COL4A6: variants seen among roughly 807,000 people sequenced by gnomAD.
The protein encoded by COL4A6 is collagen type IV alpha 6 chain, also known as collagen alpha-6(IV) chain.
In COL4A6, 59 loss-of-function variants were observed where a neutral mutation model predicts 126.7. The ratio of observed to expected loss-of-function variants is 0.47; its 90% confidence interval spans 0.38 to 0.58. The LOEUF (loss-of-function observed/expected upper bound fraction) is 0.58. Ranked by LOEUF, COL4A6 falls within the 20% of genes least tolerant of loss-of-function variation. COL4A6 has a pLI of 0.00. For synonymous variants in COL4A6, 547 were observed against 496.6 expected (o/e 1.10, Z -1.35); for missense variants, 1,285 against 1,337.3 (o/e 0.96, Z 0.61).
chrX:108,292,946 C>T (rs765549347), intron 3 of COL4A6, among the ~76,000 whole-genome samples: 1 of 73,590 alleles, frequency 1.4e-5, no homozygotes, highest in Non-Finnish European at 2.4e-5. Context: ...GAGATCCCGT[C>T]TCTTAGGAAA....
chrX:108,428,282 A>T (rs1336414008), intron 2 of COL4A6, among the ~76,000 whole-genome samples: 4 of 112,539 alleles, frequency 3.6e-5, no homozygotes, highest in Admixed American at 1.9e-4. Flanking sequence ...CACAAGTTGG[A>T]CAAGTTTGTT....
chrX:108,219,252 G>A (rs1009724332), intron 5 of COL4A6, among the ~76,000 whole-genome samples: 9 of 112,321 alleles, frequency 8.0e-5, no homozygotes, highest in Non-Finnish European at 1.7e-4. Flanking sequence ...TCTGAAATGA[G>A]GTATGTCTGA....
At chrX:108,375,274 A>G (rs1021303203) in intron 2 of COL4A6, among the ~76,000 whole-genome samples, 4 of 111,961 alleles carry the variant, frequency 3.6e-5, no homozygotes, top group African/African-American at 1.3e-4. Flanking sequence ...GTATATAATG[A>G]AAGACACTGG....
At chrX:108,392,272 A>G (rs746203193) in intron 2 of COL4A6, among the ~76,000 whole-genome samples, 47 of 111,775 alleles carry the variant, frequency 4.2e-4, no homozygotes, top group African/African-American at 1.4e-3. Flanking sequence ...GGATTTTATT[A>G]TAATTAAACA....
intron 14 of COL4A6, 58 bp from the exon 15 acceptor site, chrX:108,195,184 T>A: frequency 1.1e-6 from 1 of 905,106 alleles, no homozygotes; most frequent in Non-Finnish European, 1.6e-6. Flanking sequence ...AAAAAGCCAC[T>A]AGACTTATAT....
intron 3 of COL4A6, among the ~76,000 whole-genome samples, chrX:108,248,048 T>G (rs768964487): frequency 5.1e-4 from 57 of 111,712 alleles, no homozygotes; most frequent in African/African-American, 1.9e-3. Flanking sequence ...CCAAAATGTT[T>G]AACAGATGCT....
chrX:108,201,833 C>T (rs893776442), intron 13 of COL4A6, among the ~76,000 whole-genome samples: 10 of 111,433 alleles, frequency 9.0e-5, no homozygotes, highest in African/African-American at 3.3e-4. Context: ...CCCATTCCCT[C>T]TCCCCTTCCT....
At chrX:108,301,245 A>T (rs1698053543) in intron 3 of COL4A6, among the ~76,000 whole-genome samples, 1 of 112,492 alleles carries the variant, frequency 8.9e-6, no homozygotes, top group Admixed American at 9.4e-5. Flanking sequence ...GGACAGACAC[A>T]CATTACAGCT....
chrX:108,388,337 G>T (rs1049465424), intron 2 of COL4A6, among the ~76,000 whole-genome samples: 1 of 111,637 alleles, frequency 9.0e-6, no homozygotes, highest in Admixed American at 9.5e-5. Flanking sequence ...CTGTGAATCC[G>T]TCTGGTCCTG....
chrX:108,185,065 T>C (rs2034811880), intron 23 of COL4A6, among the ~76,000 whole-genome samples: 1 of 112,032 alleles, frequency 8.9e-6, no homozygotes, highest in African/African-American at 3.2e-5. Flanking sequence ...TAGCTGACAC[T>C]AGGACTTCCA....
intron 3 of COL4A6, among the ~76,000 whole-genome samples, chrX:108,303,928 G>A (rs1212921972): frequency 8.9e-6 from 1 of 111,784 alleles, no homozygotes; most frequent in Non-Finnish European, 1.9e-5. Flanking sequence ...TAGAAAGCAC[G>A]ATAATGCACT....
chrX:108,185,229 T>C (rs2034819540), intron 23 of COL4A6, among the ~76,000 whole-genome samples: 1 of 110,164 alleles, frequency 9.1e-6, no homozygotes, highest in Admixed American at 9.7e-5. Context: ...CTGTCTCTAC[T>C]AAAAATTCGA....
intron 25 of COL4A6, 132 bp from the exon 26 acceptor site, chrX:108,179,570 T>G (rs2034616459): frequency 3.8e-6 from 2 of 532,696 alleles, no homozygotes; most frequent in African/African-American, 4.8e-5. Context: ...CTCTTGAAGG[T>G]CAGGAGTCTC....
At chrX:108,275,956 C>G (rs1203075037) in intron 3 of COL4A6, among the ~76,000 whole-genome samples, 1 of 112,839 alleles carries the variant, frequency 8.9e-6, no homozygotes, top group Non-Finnish European at 1.9e-5. Context: ...TCTATGAAAG[C>G]AGGCAATGCC....
At chrX:108,408,781 G>T (rs1343130017) in intron 2 of COL4A6, among the ~76,000 whole-genome samples, 1 of 110,809 alleles carries the variant, frequency 9.0e-6, no homozygotes, top group African/African-American at 3.3e-5. Flanking sequence ...GACCAACAAG[G>T]AGAAACCCCG....
intron 2 of COL4A6, chrX:108,384,115 C>A: frequency 3.6e-6 from 1 of 278,981 alleles, no homozygotes; most frequent in Non-Finnish European, 6.5e-6. Context: ...ACCCATTTAT[C>A]CATTTCTCTA....
chrX:108,232,067 T>G (rs1216134093), intron 3 of COL4A6, among the ~76,000 whole-genome samples: 4 of 111,514 alleles, frequency 3.6e-5, no homozygotes, highest in Non-Finnish European at 7.5e-5. Flanking sequence ...TATGCTAACT[T>G]GATGGTCATT....
At chrX:108,200,201 A>G (rs746078964) in intron 13 of COL4A6, among the ~76,000 whole-genome samples, 117 of 113,026 alleles carry the variant, frequency 1.0e-3, no homozygotes, top group Non-Finnish European at 1.8e-3. Flanking sequence ...TAGTAGCCAC[A>G]TTAAAAAAGC....
chrX:108,179,194 A>G, intron 26 of COL4A6, 23 bp downstream of exon 26: 5 of 1,179,581 alleles, frequency 4.2e-6, no homozygotes, highest in Non-Finnish European at 5.8e-6. Context: ...AGATTGTTAA[A>G]TAATTGGGGC....
Sources: gnomAD v4.1 joint callset for allele counts (sites outside exome capture counted in the v4.1 genomes callset) on GRCh38, gnomAD v4.1.1 for gene constraint, MANE v1.5 for transcripts, NCBI Gene and HGNC (gene_info 2026-07-23, HGNC 2026-07-21) for gene names.